BRAF: variants seen among roughly 807,000 people sequenced by gnomAD.
The protein encoded by BRAF is serine/threonine-protein kinase B-raf.
Under a neutral mutation model 104.6 loss-of-function variants are expected in BRAF, and 16 were observed. The observed-to-expected ratio is 0.15, with a 90% confidence interval of 0.10 to 0.23. BRAF has a LOEUF of 0.23. BRAF is among the 10% of genes least tolerant of loss of function. The pLI, the probability that BRAF is intolerant of heterozygous loss-of-function variation, is 1.00. For missense variants in BRAF, 541 were observed against 937.3 expected, an observed-to-expected ratio of 0.58 and a Z score of 5.52; for synonymous variants, 310 against 341.6, an observed-to-expected ratio of 0.91 and a Z score of 1.02.
At position 140,792,151 on chromosome 7, in the gene BRAF, T is replaced by C. The variant is rs550575401; in HGVS notation, c.1140+2157A>G. ...CTAATTCACTAATTCATAGTCTCCC[T>C]CCCCAAAACACACTCTTTCTCAGCA... On this transcript the variant is annotated intron_variant, in intron 8 of 19. Coordinates refer to ENST00000644969, the MANE Select transcript of BRAF (RefSeq NM_001374258.1). Among the ~76,000 whole-genome samples the C allele has an allele frequency of 1.1e-4, 16 of 151,686 alleles. No individual in the cohort carries two copies. The South Asian group carries it at 1.5e-3, about 14-fold the overall frequency.
intron 5 of BRAF, among the ~76,000 whole-genome samples, chr7:140,806,801 C>T (rs1449999900): frequency 6.6e-6 from 1 of 152,056 alleles, no homozygotes; most frequent in Admixed American, 6.6e-5. Context: ...CCAAAAAATG[C>T]CTTACAGAAA....
In BRAF at chr7:140,924,471, G is replaced by A. The variant is rs1818636254; in HGVS notation, c.138+95C>T. 6 of 1,505,460 alleles carry A rather than the reference G, an allele frequency of 4.0e-6. No homozygotes were observed. Among genetic ancestry groups the A allele is most frequent in the South Asian group, 1.2e-5 (1 of 82,802 alleles). The allele number at this position is 1,505,460 out of a possible 1,614,324, so 93.3% of individuals were successfully genotyped here. On this transcript the variant is annotated intron_variant, in intron 1 of 19. Coordinates refer to ENST00000644969, the MANE Select transcript of BRAF (RefSeq NM_001374258.1). The surrounding 1 kb of genome is among the most constrained non-coding windows in gnomAD (Gnocchi z 4.2). ...AGCTGGCCCGAGAAGGTGGCTGAGG[G>A]CATCAAGCCCCCACCGCCGCCTCTT...
At chr7:140,879,666 G>GT (rs529728089) in intron 1 of BRAF, among the ~76,000 whole-genome samples, 1 of 151,484 alleles carries the variant, frequency 6.6e-6, no homozygotes, top group Non-Finnish European at 1.5e-5. Context: ...TCTTGCCTCA[G>GT]TGTTGATGGC....
intron 1 of BRAF, among the ~76,000 whole-genome samples, chr7:140,861,543 G>T (rs1810415922): frequency 6.6e-6 from 1 of 152,124 alleles, no homozygotes; most frequent in Non-Finnish European, 1.5e-5. Context: ...TTAAAGGGTT[G>T]GTTCTTTCAG....
chr7:140,825,919 G>A (rs1267609), intron 3 of BRAF, among the ~76,000 whole-genome samples: 14,829 of 151,990 alleles, frequency 0.098, 791 homozygotes, highest in South Asian at 0.19. Flanking sequence ...TTCCCAAATC[G>A]TTAGATTTAT....
chr7:140,772,830 A>G (rs1270608887), intron 14 of BRAF, among the ~76,000 whole-genome samples: 2 of 152,180 alleles, frequency 1.3e-5, no homozygotes, highest in Admixed American at 1.3e-4. Flanking sequence ...ATTTAATATT[A>G]AACCATATAG....
chr7:140,737,865 G>A (rs1365921351), intron 18 of BRAF, among the ~76,000 whole-genome samples: 1 of 152,178 alleles, frequency 6.6e-6, no homozygotes, highest in Non-Finnish European at 1.5e-5. Flanking sequence ...GTTCACATAT[G>A]CACTTCAGTT....
At chr7:140,766,098 C>T (rs1799291635) in intron 14 of BRAF, among the ~76,000 whole-genome samples, 1 of 151,854 alleles carries the variant, frequency 6.6e-6, no homozygotes, top group Non-Finnish European at 1.5e-5. Flanking sequence ...GGCACATATA[C>T]ACCATGCAGC....
rs969643764 is a variant in BRAF, at chr7:140,903,452, A to G, written c.138+21114T>C. Among the ~76,000 whole-genome samples the G allele has an allele frequency of 3.9e-5, 6 of 152,224 alleles. No homozygotes were observed. The East Asian group carries it at 7.7e-4, about 20-fold the overall frequency. On this transcript the variant is annotated intron_variant, in intron 1 of 19. Transcript: ENST00000644969. Reference sequence around the variant, plus strand: ...TGAGACCCACCGCTCAGAAAAAAAGATTCCTTCTAACACATTACTACTCAT... The same window carrying G: ...TGAGACCCACCGCTCAGAAAAAAAGGTTCCTTCTAACACATTACTACTCAT...
chr7:140,741,969 AT>A (rs1018942150), intron 17 of BRAF, among the ~76,000 whole-genome samples: 3 of 151,986 alleles, frequency 2.0e-5, no homozygotes, highest in Non-Finnish European at 4.4e-5. Context: ...AAAAAAAAAA[AT>A]TCTTAAAAAA....
chr7:140,813,488 T>C (rs1364249880), intron 3 of BRAF, among the ~76,000 whole-genome samples: 1 of 152,204 alleles, frequency 6.6e-6, no homozygotes, highest in African/African-American at 2.4e-5. Flanking sequence ...AATTTCTCTT[T>C]GACCTAGTCA....
intron 12 of BRAF, among the ~76,000 whole-genome samples, chr7:140,778,790 T>A (rs1255211975): frequency 6.6e-6 from 1 of 151,516 alleles, no homozygotes; most frequent in Non-Finnish European, 1.5e-5. Flanking sequence ...TGCCAGTAGG[T>A]GTTTAAATTG....
chr7:140,815,556 C>T (rs1386707913), intron 3 of BRAF, among the ~76,000 whole-genome samples: 2 of 150,860 alleles, frequency 1.3e-5, no homozygotes, highest in Admixed American at 1.3e-4. Flanking sequence ...GCCTCAGCTT[C>T]CAGAGCAGCT....
At chr7:140,914,175 A>C (rs1196242902) in intron 1 of BRAF, among the ~76,000 whole-genome samples, 1 of 152,224 alleles carries the variant, frequency 6.6e-6, no homozygotes, top group Non-Finnish European at 1.5e-5. Context: ...TAATTTTGTG[A>C]AGGCTTTTAC....
At chr7:140,865,497 G>A (rs1380208495) in intron 1 of BRAF, among the ~76,000 whole-genome samples, 1 of 152,196 alleles carries the variant, frequency 6.6e-6, no homozygotes, top group Non-Finnish European at 1.5e-5. Flanking sequence ...CCTAAGTGCA[G>A]GCAGGTAGCG....
chr7:140,831,608 T>A (rs1466287948), intron 3 of BRAF, among the ~76,000 whole-genome samples: 1 of 152,092 alleles, frequency 6.6e-6, no homozygotes, highest in Non-Finnish European at 1.5e-5. Flanking sequence ...AACATTCACA[T>A]CTCTATGGAC....
intron 3 of BRAF, among the ~76,000 whole-genome samples, chr7:140,831,786 C>T (rs1379345452): frequency 6.6e-6 from 1 of 152,152 alleles, no homozygotes; most frequent in Admixed American, 6.5e-5. Flanking sequence ...TAACACACAC[C>T]TTCAAAATAT....
intron 8 of BRAF, among the ~76,000 whole-genome samples, chr7:140,790,341 A>G (rs925273946): frequency 6.6e-6 from 1 of 152,166 alleles, no homozygotes; most frequent in Non-Finnish European, 1.5e-5. Context: ...TTTTCTACTC[A>G]TTCTAGGTTA....
At chr7:140,919,711 CAT>C (rs1309559635) in intron 1 of BRAF, among the ~76,000 whole-genome samples, 1 of 152,136 alleles carries the variant, frequency 6.6e-6, no homozygotes, top group East Asian at 1.9e-4. Flanking sequence ...CTTACACTAA[CAT>C]GAAGTTATCC....
Sources: allele counts gnomAD v4.1 joint callset (sites outside exome capture counted in the v4.1 genomes callset), GRCh38; gene constraint gnomAD v4.1.1; non-coding constraint Gnocchi (gnomAD v3.1); transcripts MANE v1.5; gene names NCBI Gene and HGNC (gene_info 2026-07-23, HGNC 2026-07-21).